Variants in ETNPPL observed in about 807,000 individuals in gnomAD.
The protein encoded by ETNPPL is alanine--glyoxylate aminotransferase 2-like 1.
Under a neutral mutation model 55.5 loss-of-function variants are expected in ETNPPL, and 30 were observed. The ratio of observed to expected loss-of-function variants is 0.54; its 90% CI spans 0.40 to 0.73. ETNPPL has a LOEUF of 0.73. ETNPPL is among the 30% of genes least tolerant of loss of function. The pLI, the probability that ETNPPL is intolerant of heterozygous loss-of-function variation, is 0.00. For missense variants in ETNPPL, 528 were observed against 607.9 expected, an observed-to-expected ratio of 0.87 and a Z score of 1.38; for synonymous variants, 202 against 207.2, an observed-to-expected ratio of 0.98 and a Z score of 0.21.
Position 108,750,980 on chromosome 4 carries a change from G to T in ETNPPL, c.657C>A (p.Gly219=). 1 of 1,613,214 alleles carries T rather than the reference G, an allele frequency of 6.2e-7. No individual in the cohort carries two copies. Among genetic ancestry groups the T allele is most frequent in the Non-Finnish European group, 8.5e-7 (1 of 1,179,392 alleles). ...AFIAESMQSC[G]GQIIPPAGYF... ...AGCCTGCTGGAGGAATTATTTGTCCGCCACAACTCTGCATGGATTCAGCAA... is the reference window on the plus strand; with the variant it reads ...AGCCTGCTGGAGGAATTATTTGTCCTCCACAACTCTGCATGGATTCAGCAA... Residue 219 remains glycine (G), a synonymous_variant, in exon 7 of 13, where the codon GGC becomes GGA. Transcript: ENST00000296486.
intron 1 of ETNPPL, 87 bp downstream of exon 1, chr4:108,762,756 T>C: frequency 6.8e-7 from 1 of 1,477,074 alleles, no homozygotes; most frequent in Non-Finnish European, 9.5e-7. Context: ...AGCGCATCGT[T>C]TGTTCCCTAG....
chr4:108,743,067 A>G (rs1271282714), intron 12 of ETNPPL, among the ~76,000 whole-genome samples: 1 of 152,240 alleles, frequency 6.6e-6, no homozygotes, highest in Non-Finnish European at 1.5e-5. Context: ...TCATTCAAAC[A>G]GCCTGATGAT....
intron 1 of ETNPPL, 110 bp downstream of exon 1, chr4:108,762,733 G>C (rs527891615): frequency 7.5e-7 from 1 of 1,330,222 alleles, no homozygotes; most frequent in Non-Finnish European, 1.1e-6. Context: ...CGGCGGGCAC[G>C]GAGTGCGGCT....
At position 108,742,340 on chromosome 4, in the gene ETNPPL, C is replaced by G. The variant is rs1578370535; in HGVS notation, c.*144G>C. ...TGGTTTGATTATCACTTGGTTTATT[C>G]TGATTACTCATTTACCTTTTCATTT... On this transcript the variant is annotated 3_prime_UTR_variant, in exon 13 of 13. Transcript: ENST00000296486. The G allele has an allele frequency of 2.5e-5, 19 of 764,960 alleles. No individual in the cohort carries two copies. In the East Asian group the frequency reaches 3.3e-4, roughly 13 times the overall value. 47.4% of individuals were successfully genotyped at this position (764,960 alleles called of 1,614,324 possible). A position where few individuals can be genotyped will look rare whatever the true frequency, so the allele number is the denominator to read the frequency against.
At chr4:108,756,831 C>T (rs1409367624) in intron 3 of ETNPPL, among the ~76,000 whole-genome samples, 1 of 151,562 alleles carries the variant, frequency 6.6e-6, no homozygotes, top group African/African-American at 2.4e-5. Context: ...ATCTCCAGAA[C>T]AACAACAAAA....
intron 3 of ETNPPL, among the ~76,000 whole-genome samples, chr4:108,758,103 T>C (rs1729313035): frequency 6.7e-6 from 1 of 150,196 alleles, no homozygotes; most frequent in South Asian, 2.1e-4. Context: ...GCAATTCTCC[T>C]GCCTCAGCCT....
intron 1 of ETNPPL, among the ~76,000 whole-genome samples, chr4:108,761,672 C>T (rs1729512558): frequency 6.6e-6 from 1 of 152,096 alleles, no homozygotes. Flanking sequence ...AGGCATTTAC[C>T]GGAATCTAAC....
chr4:108,742,470 A>G lies in ETNPPL; in HGVS notation c.*14T>C. 6.2e-7 allele frequency: 1 copy of G among 1,613,788 alleles called. No homozygotes were observed. Among genetic ancestry groups the G allele is most frequent in the Non-Finnish European group, 8.5e-7 (1 of 1,179,714 alleles). ...AACTCTGGACATCGCATCTTGCTTT[A>G]AAATGCAAATCAGTCATGTCTTGAG... On this transcript the variant is annotated 3_prime_UTR_variant, in exon 13 of 13. Coordinates refer to ENST00000296486, the MANE Select transcript of ETNPPL (RefSeq NM_031279.4).
chr4:108,759,506 T>C (rs959656800), intron 3 of ETNPPL, among the ~76,000 whole-genome samples: 3 of 152,092 alleles, frequency 2.0e-5, no homozygotes, highest in Non-Finnish European at 4.4e-5. Flanking sequence ...CTATCAATCC[T>C]TCAGCTACTT....
In ETNPPL at chr4:108,749,310, C is replaced by T. The variant is rs140880189; in HGVS notation, c.855G>A (p.Pro285=). ...CTTTGGTTGTTACCACACATGCCAC[C>T]GGGTGGCCGTTGCCCATCGGTTTTC... ...TMGKPMGNGH[P]VACVVTTKEI... Residue 285 remains proline, a synonymous_variant, in exon 8 of 13, where the codon CCG becomes CCA. Transcript: ENST00000296486. 3.1e-4 allele frequency: 496 copies of T among 1,614,126 alleles called. No homozygotes were observed. The highest frequency in any genetic ancestry group is 1.3e-3 in the Middle Eastern group (8 of 6,062).
At chr4:108,757,612 A>G (rs1729273452) in intron 3 of ETNPPL, among the ~76,000 whole-genome samples, 1 of 152,196 alleles carries the variant, frequency 6.6e-6, no homozygotes, top group Non-Finnish European at 1.5e-5. Context: ...GTCTCTAAAA[A>G]TAATAAAGTA....
At chr4:108,746,618 T>C (rs371989289) in intron 10 of ETNPPL, 89 bp from the exon 11 acceptor site, 4 of 1,505,732 alleles carry the variant, frequency 2.7e-6, no homozygotes, top group Non-Finnish European at 2.7e-6. Context: ...GTTTAAGTAT[T>C]CTGCATTTAA....
chr4:108,749,220 T>C lies in ETNPPL; in HGVS notation c.927+18A>G. 6.3e-7 allele frequency: 1 copy of C among 1,574,870 alleles called. No homozygotes were observed. Among genetic ancestry groups the C allele is most frequent in the Non-Finnish European group, 8.7e-7 (1 of 1,145,270 alleles). On this transcript the variant is annotated intron_variant, in intron 8 of 12. Coordinates refer to ENST00000296486, the MANE Select transcript of ETNPPL (RefSeq NM_031279.4). Reference sequence around the variant, plus strand: ...TTATTTTTCCTTCTTAGCATTAAAGTTGGAGACCAAAATGTACCGTATTAA... The same window carrying C: ...TTATTTTTCCTTCTTAGCATTAAAGCTGGAGACCAAAATGTACCGTATTAA...
At chr4:108,760,334 G>T in intron 1 of ETNPPL, 28 bp from the exon 2 acceptor site, 3 of 1,313,636 alleles carry the variant, frequency 2.3e-6, no homozygotes, top group African/African-American at 1.4e-5. Flanking sequence ...AAACACTTTG[G>T]TCTGGTAGGA....
chr4:108,749,560 G>T lies in ETNPPL; in HGVS notation c.702-97C>A, dbSNP rs1410879520. The T allele has an allele frequency of 4.5e-6, 4 of 883,346 alleles. No homozygotes were observed. The South Asian group carries it at 4.8e-5, about 11-fold the overall frequency. 54.7% of individuals were successfully genotyped at this position (883,346 alleles called of 1,614,324 possible). A position where few individuals can be genotyped will look rare whatever the true frequency, so the allele number is the denominator to read the frequency against. Reference sequence around the variant, plus strand: ...TTATTGAAGACAAAAAAAAAAAGTTGTTAACCTGAAGCCTTAATTTTTCTT... The same window carrying T: ...TTATTGAAGACAAAAAAAAAAAGTTTTTAACCTGAAGCCTTAATTTTTCTT... On this transcript the variant is annotated intron_variant, in intron 7 of 12. Coordinates refer to ENST00000296486, the MANE Select transcript of ETNPPL (RefSeq NM_031279.4).
intron 4 of ETNPPL, among the ~76,000 whole-genome samples, chr4:108,755,753 G>A (rs907489916): frequency 5.9e-5 from 9 of 152,172 alleles, no homozygotes; most frequent in East Asian, 3.8e-4. Flanking sequence ...CCCAGGAGGC[G>A]GAGGTTGCAA....
chr4:108,762,436 A>T, intron 1 of ETNPPL: 1 of 570,856 alleles, frequency 1.8e-6, no homozygotes, highest in African/African-American at 1.8e-5. Flanking sequence ...ATCATGAAAA[A>T]ATATTTCTCA....
In ETNPPL at chr4:108,749,255, T is replaced by C. The variant is rs751966746; in HGVS notation, c.910A>G (p.Met304Val). ...AAATGTACCGTATTAAAATATTCCATCCCAGAGCTGCTGAAGGCTTCTGCA... is the reference window on the plus strand; with the variant it reads ...AAATGTACCGTATTAAAATATTCCACCCCAGAGCTGCTGAAGGCTTCTGCA... ...EIAEAFSSSGMEYFNTYGGNP... is the reference protein window; with the variant it reads ...EIAEAFSSSGVEYFNTYGGNP... Residue 304 changes from methionine (M) to valine (V), a missense_variant, in exon 8 of 13, where the codon ATG becomes GTG. Coordinates refer to ENST00000296486, the MANE Select transcript of ETNPPL (RefSeq NM_031279.4). The C allele has an allele frequency of 3.7e-5, 60 of 1,613,094 alleles. No individual in the cohort carries two copies. Among genetic ancestry groups the C allele is most frequent in the Non-Finnish European group, 5.0e-5 (59 of 1,179,080 alleles).
At position 108,753,853 on chromosome 4, in the gene ETNPPL, TAAGAC is replaced by T. The variant is rs923763645; in HGVS notation, c.501+762_501+766del. On this transcript the variant is annotated intron_variant, in intron 5 of 12. Coordinates refer to ENST00000296486, the MANE Select transcript of ETNPPL (RefSeq NM_031279.4). ...AAAAGAAATTATACTGTTCCTCAGT[TAAGAC>T]AAACACACCAAATAAATTTCACCTT... Among the ~76,000 whole-genome samples the T allele has an allele frequency of 1.2e-4, 18 of 151,786 alleles. No individual in the cohort carries two copies. In the South Asian group the frequency reaches 1.5e-3, roughly 12 times the overall value.
Sources: gnomAD v4.1 joint callset for allele counts (sites outside exome capture counted in the v4.1 genomes callset) on GRCh38, gnomAD v4.1.1 for gene constraint, MANE v1.5 for transcripts, NCBI Gene and HGNC (gene_info 2026-07-23, HGNC 2026-07-21) for gene names.